The following FEM1A variants were observed in gnomAD, a reference collection of about 807,000 sequenced individuals.
The protein encoded by FEM1A is fem-1 homolog A, also known as protein fem-1 homolog A.
A neutral mutation model predicts 0.7 loss-of-function variants in FEM1A; 1 was observed. That is an observed-to-expected ratio of 1.35 (90% CI 0.48 to 6.40). The LOEUF (loss-of-function observed/expected upper bound fraction) is 6.40, where lower values mean the gene tolerates loss of function less well. FEM1A is among the 30% of genes most tolerant of loss of function. The pLI, the probability that FEM1A is intolerant of heterozygous loss-of-function variation, is 0.14. For synonymous variants in FEM1A, 391 were observed against 420.6 expected, an observed-to-expected ratio of 0.93 and a Z score of 0.86; for missense variants, 721 against 918.7, an observed-to-expected ratio of 0.78 and a Z score of 2.78.
chr19:4,799,923 A>AAAAAAATAAAAT lies in FEM1A; in HGVS notation c.*6065_*6066insTAAAATAAAAAA, dbSNP rs2093566484. The AAAAAAATAAAAT allele has an allele frequency of 6.8e-6, 1 of 146,074 alleles. No individual in the cohort carries two copies. Among genetic ancestry groups the AAAAAAATAAAAT allele is most frequent in the African/African-American group, 2.5e-5 (1 of 39,564 alleles). The allele number at this position is 146,074 out of a possible 1,614,324, so 9.0% of individuals were successfully genotyped here. On this transcript the variant is annotated 3_prime_UTR_variant, in exon 1 of 1. Transcript: ENST00000269856. ...CTGTCTCAAAAAAAAAAAAAAAAAA[A>AAAAAAATAAAAT]AAAAAAAAAATGGGGCCATCAATGC... is the stretch of plus-strand genomic sequence containing the variant.
chr19:4,801,127 C>T lies in FEM1A; in HGVS notation c.*7263C>T, dbSNP rs746334812. On this transcript the variant is annotated 3_prime_UTR_variant, in exon 1 of 1. Transcript: ENST00000269856. ...CCTGGAGCAACCCCCTCCCTCCACC[C>T]TGTGCCTTGATATCTCCTATTAAAG... 1.3e-5 allele frequency: 2 copies of T among 152,162 alleles called. No individual in the cohort carries two copies. Among genetic ancestry groups the T allele is most frequent in the Non-Finnish European group, 2.9e-5 (2 of 68,032 alleles). 9.4% of individuals were successfully genotyped at this position (152,162 alleles called of 1,614,324 possible). A position where few individuals can be genotyped will look rare whatever the true frequency, so the allele number is the denominator to read the frequency against.
rs1326616998 is a variant in FEM1A at position 4,796,891 on chromosome 19, C to T, written c.*3027C>T. ...TGGGACTGGACAGTCCCACAGGTGA[C>T]AGCTGTTGGGCTGTTGTATGCCTGT... On this transcript the variant is annotated 3_prime_UTR_variant, in exon 1 of 1. Coordinates refer to ENST00000269856, the MANE Select transcript of FEM1A (RefSeq NM_018708.3). The T allele has an allele frequency of 6.6e-6, 1 of 152,162 alleles. No individual in the cohort carries two copies. Among genetic ancestry groups the T allele is most frequent in the East Asian group, 1.9e-4 (1 of 5,182 alleles). 9.4% of individuals were successfully genotyped at this position (152,162 alleles called of 1,614,324 possible). A position where few individuals can be genotyped will look rare whatever the true frequency, so the allele number is the denominator to read the frequency against.
chr19:4,793,555 G>C lies in FEM1A; in HGVS notation c.1701G>C (p.Leu567=). Residue 567 remains leucine, a synonymous_variant, in exon 1 of 1, where the codon CTG becomes CTC. Transcript: ENST00000269856. This position sits in a 1 kb window ranked among gnomAD's most constrained non-coding sequence, Gnocchi z 5.1. ...RFPSLHVVKV[L]LDCGADPDSR... is the part of the protein sequence containing the mutation. ...CCTCCCTGCACGTGGTCAAAGTGCT[G>C]CTCGACTGCGGGGCCGACCCGGACA... 6.2e-7 allele frequency: 1 copy of C among 1,613,024 alleles called. No homozygotes were observed. The highest frequency in any genetic ancestry group is 1.3e-5 in the African/African-American group (1 of 75,014).
rs1457807802 is a variant in FEM1A, at chr19:4,793,914, G to T, written c.*50G>T. ...ACCTCTCCCCTCTCCTGCTGAGATG[G>T]GGGAAATCCGGCTGCGGCATAGCAG... On this transcript the variant is annotated 3_prime_UTR_variant, in exon 1 of 1. Coordinates refer to ENST00000269856, the MANE Select transcript of FEM1A (RefSeq NM_018708.3). The surrounding 1 kb of genome is among the most constrained non-coding windows in gnomAD (Gnocchi z 5.1). 16 of 1,534,562 alleles carry T rather than the reference G, an allele frequency of 1.0e-5. No individual in the cohort carries two copies. The highest frequency in any genetic ancestry group is 7.3e-5 in the East Asian group (3 of 41,262).
rs755591503 is a variant in FEM1A at position 4,793,204 on chromosome 19, C to A, written c.1350C>A (p.Ala450=). Residue 450 remains alanine, a synonymous_variant, in exon 1 of 1, where the codon GCC becomes GCA. Transcript: ENST00000269856. This position sits in a 1 kb window ranked among gnomAD's most constrained non-coding sequence, Gnocchi z 5.1. ...ELFSYVLQDR[A]AKGSLGTQIG... ...TCTCCTACGTGCTTCAGGACCGGGCCGCCAAAGGCAGCCTGGGCACCCAGA... is the reference window on the plus strand; with the variant it reads ...TCTCCTACGTGCTTCAGGACCGGGCAGCCAAAGGCAGCCTGGGCACCCAGA... 2 of 1,613,450 alleles carry A rather than the reference C, an allele frequency of 1.2e-6. No homozygotes were observed. Among genetic ancestry groups the A allele is most frequent in the East Asian group, 2.2e-5 (1 of 44,868 alleles).
rs1176884897 is a variant in FEM1A at position 4,792,128 on chromosome 19, G to T, written c.274G>T (p.Ala92Ser). The change falls in exon 1 of 1, where the codon GCA (alanine) becomes TCA (serine). Residue 92 changes from alanine to serine, a missense_variant. Around this residue, in one of 4 missense-constraint regions of FEM1A, gnomAD observed 195 missense variants for 316.9 expected, o/e 0.62. Coordinates refer to ENST00000269856, the MANE Select transcript of FEM1A (RefSeq NM_018708.3). This position sits in a 1 kb window ranked among gnomAD's most constrained non-coding sequence, Gnocchi z 6.7. ...CGCGCCGCCGCTGTGGGCCGCCTCC[G>T]CAGCCGGCCACCTGGACGTGGTGCG... is the stretch of plus-strand genomic sequence containing the variant. ...EGAPPLWAAS[A>S]AGHLDVVRSL... The T allele has an allele frequency of 1.3e-6, 2 of 1,519,818 alleles. No homozygotes were observed. The highest frequency in any genetic ancestry group is 1.8e-6 in the Non-Finnish European group (2 of 1,139,618). The allele number at this position is 1,519,818 out of a possible 1,614,324, so 94.1% of individuals were successfully genotyped here.
rs1025971790 is a variant in FEM1A, at chr19:4,796,647, T to C, written c.*2783T>C. On this transcript the variant is annotated 3_prime_UTR_variant, in exon 1 of 1. Transcript: ENST00000269856. Reference sequence around the variant, plus strand: ...ATGGGATTTTGCTGAGCCCCTGCCATGTGCCAGGCAGGTTTCAGGCCCCCT... The same window carrying C: ...ATGGGATTTTGCTGAGCCCCTGCCACGTGCCAGGCAGGTTTCAGGCCCCCT... The C allele has an allele frequency of 2.0e-5, 3 of 152,270 alleles. No individual in the cohort carries two copies. The highest frequency in any genetic ancestry group is 4.4e-5 in the Non-Finnish European group (3 of 68,084). The allele number at this position is 152,270 out of a possible 1,614,324, so 9.4% of individuals were successfully genotyped here. A position where few individuals can be genotyped will look rare whatever the true frequency, so the allele number is the denominator to read the frequency against.
rs1176884897 is a variant in FEM1A, at chr19:4,792,128, G to A, written c.274G>A (p.Ala92Thr). Reference protein sequence around the residue: ...EGAPPLWAASAAGHLDVVRSL... With the variant: ...EGAPPLWAASTAGHLDVVRSL... ...CGCGCCGCCGCTGTGGGCCGCCTCC[G>A]CAGCCGGCCACCTGGACGTGGTGCG... The change falls in exon 1 of 1, where the codon GCA (alanine) becomes ACA (threonine). Residue 92 changes from alanine to threonine, a missense_variant. Ala to Thr is a moderately conservative substitution (Grantham distance 58). Transcript: ENST00000269856. The surrounding 1 kb of genome is among the most constrained non-coding windows in gnomAD (Gnocchi z 6.7). 3.8e-5 allele frequency: 58 copies of A among 1,519,818 alleles called. No individual in the cohort carries two copies. In the Middle Eastern group the frequency reaches 6.9e-4, roughly 18 times the overall value. 94.1% of individuals were successfully genotyped at this position (1,519,818 alleles called of 1,614,324 possible).
chr19:4,800,341 T>C lies in FEM1A; in HGVS notation c.*6477T>C, dbSNP rs2093567112. The C allele has an allele frequency of 6.6e-6, 1 of 152,236 alleles. No individual in the cohort carries two copies. Among genetic ancestry groups the C allele is most frequent in the South Asian group, 2.1e-4 (1 of 4,830 alleles). The allele number at this position is 152,236 out of a possible 1,614,324, so 9.4% of individuals were successfully genotyped here. A position where few individuals can be genotyped will look rare whatever the true frequency, so the allele number is the denominator to read the frequency against. On this transcript the variant is annotated 3_prime_UTR_variant, in exon 1 of 1. Transcript: ENST00000269856. Reference sequence around the variant, plus strand: ...TCGGGGTCAAAGCTTAACCCCCTGCTGGAAGGTGTCGAGAGCCAGGCAGCC... The same window carrying C: ...TCGGGGTCAAAGCTTAACCCCCTGCCGGAAGGTGTCGAGAGCCAGGCAGCC...
In FEM1A at chr19:4,793,837, T is replaced by C; in HGVS notation, c.1983T>C (p.Asp661=). Reference sequence around the variant, plus strand: ...CTTACAAGGGCTTCATCCCGGAAGATCTGGAGGCGTTCATCGAACTGCACT... The same window carrying C: ...CTTACAAGGGCTTCATCCCGGAAGACCTGGAGGCGTTCATCGAACTGCACT... The part of the protein sequence containing the change: ...KIPYKGFIPE[D]LEAFIELH Residue 661 remains aspartate (D), a synonymous_variant, in exon 1 of 1, where the codon GAT becomes GAC. Coordinates refer to ENST00000269856, the MANE Select transcript of FEM1A (RefSeq NM_018708.3). The surrounding 1 kb of genome is among the most constrained non-coding windows in gnomAD (Gnocchi z 5.1). 6.2e-7 allele frequency: 1 copy of C among 1,607,524 alleles called. No homozygotes were observed. The highest frequency in any genetic ancestry group is 8.5e-7 in the Non-Finnish European group (1 of 1,177,974).
Position 4,793,272 on chromosome 19 carries a change from G to A in FEM1A, c.1418G>A (p.Arg473Gln), listed in dbSNP as rs1318021855. 10 of 1,613,280 alleles carry A rather than the reference G, an allele frequency of 6.2e-6. No homozygotes were observed. Among genetic ancestry groups the A allele is most frequent in the Non-Finnish European group, 8.5e-6 (10 of 1,179,974 alleles). Residue 473 changes from arginine (R) to glutamine (Q), a missense_variant, in exon 1 of 1, where the codon CGG becomes CAG. By Grantham distance (43) the Arg-to-Gln change is conservative. Around this residue, in one of 4 missense-constraint regions of FEM1A, gnomAD observed 379 missense variants for 454.8 expected, o/e 0.83. Transcript: ENST00000269856. This position sits in a 1 kb window ranked among gnomAD's most constrained non-coding sequence, Gnocchi z 5.1. Reference sequence around the variant, plus strand: ...ATGGGGGTTCTCACCAAAGGGGTCCGGGAAGTGGAACGGGCCCTGCAGCTG... The same window carrying A: ...ATGGGGGTTCTCACCAAAGGGGTCCAGGAAGTGGAACGGGCCCTGCAGCTG... The part of the protein sequence containing the change: ...DLMGVLTKGV[R>Q]EVERALQLPR...
In FEM1A at chr19:4,798,073, A is replaced by C; in HGVS notation, c.*4209A>C. The C allele has an allele frequency of 1.3e-5, 1 of 76,298 alleles. No homozygotes were observed. The highest frequency in any genetic ancestry group is 2.7e-5 in the Non-Finnish European group (1 of 36,932). The allele number at this position is 76,298 out of a possible 1,614,324, so 4.7% of individuals were successfully genotyped here. ...CACGGTGAAACCCCGTCTCTACTAA[A>C]AATACAAAAATTAGCCGGGTGTGGT... is the stretch of plus-strand genomic sequence containing the variant. On this transcript the variant is annotated 3_prime_UTR_variant, in exon 1 of 1. Coordinates refer to ENST00000269856, the MANE Select transcript of FEM1A (RefSeq NM_018708.3).
rs2093567436 is a variant in FEM1A at position 4,800,577 on chromosome 19, C to T, written c.*6713C>T. 1 of 152,356 alleles carries T rather than the reference C, an allele frequency of 6.6e-6. No individual in the cohort carries two copies. The highest frequency in any genetic ancestry group is 1.5e-5 in the Non-Finnish European group (1 of 68,152). The allele number at this position is 152,356 out of a possible 1,614,324, so 9.4% of individuals were successfully genotyped here. A position where few individuals can be genotyped will look rare whatever the true frequency, so the allele number is the denominator to read the frequency against. ...CCTCAGCACCCACGCCAGGGTCTGT[C>T]CCACGCCAGGTGGCCTGTAAATATG... On this transcript the variant is annotated 3_prime_UTR_variant, in exon 1 of 1. Transcript: ENST00000269856.
rs371823084 is a variant in FEM1A at position 4,794,206 on chromosome 19, G to T, written c.*342G>T. The T allele has an allele frequency of 1.6e-4, 49 of 299,518 alleles. No homozygotes were observed. The East Asian group carries it at 2.4e-3, about 15-fold the overall frequency. 18.6% of individuals were successfully genotyped at this position (299,518 alleles called of 1,614,324 possible). ...GAGGCGGAGGGACTGAAGCCATTGC[G>T]TTCCTTCCCTGCTAGAAACACAGGA... On this transcript the variant is annotated 3_prime_UTR_variant, in exon 1 of 1. Transcript: ENST00000269856.
Position 4,792,922 on chromosome 19 carries a change from C to T in FEM1A, c.1068C>T (p.Thr356=), listed in dbSNP as rs745757403. 1.2e-6 allele frequency: 2 copies of T among 1,612,288 alleles called. No homozygotes were observed. Among genetic ancestry groups the T allele is most frequent in the African/African-American group, 2.7e-5 (2 of 74,870 alleles). The change falls in exon 1 of 1, where the codon ACC becomes ACT. Residue 356 remains threonine (T), a synonymous_variant. Coordinates refer to ENST00000269856, the MANE Select transcript of FEM1A (RefSeq NM_018708.3). This position sits in a 1 kb window ranked among gnomAD's most constrained non-coding sequence, Gnocchi z 6.7. Reference sequence around the variant, plus strand: ...ATGACTATTCCAGGGAGGTCAACACCACCGAGGAGCTGGAGGCGCTGATCA... The same window carrying T: ...ATGACTATTCCAGGGAGGTCAACACTACCGAGGAGCTGGAGGCGCTGATCA... ...LAYDYSREVN[T]TEELEALITD... is the part of the protein sequence containing the mutation.
In FEM1A at chr19:4,799,922, A is replaced by AAAAAAAAAAAAAAAAAAAAAAAAAG. The variant is rs2093566474; in HGVS notation, c.*6069_*6070insAAAAAAAAAAAAAGAAAAAAAAAAA. 6.8e-6 allele frequency: 1 copy of AAAAAAAAAAAAAAAAAAAAAAAAAG among 146,074 alleles called. No individual in the cohort carries two copies. The highest frequency in any genetic ancestry group is 1.5e-5 in the Non-Finnish European group (1 of 66,346). The allele number at this position is 146,074 out of a possible 1,614,324, so 9.0% of individuals were successfully genotyped here. A position where few individuals can be genotyped will look rare whatever the true frequency, so the allele number is the denominator to read the frequency against. On this transcript the variant is annotated 3_prime_UTR_variant, in exon 1 of 1. Transcript: ENST00000269856. The stretch of plus-strand genomic sequence containing the variant: ...TCTGTCTCAAAAAAAAAAAAAAAAA[A>AAAAAAAAAAAAAAAAAAAAAAAAAG]AAAAAAAAAAATGGGGCCATCAATG...
rs1280060755 is a variant in FEM1A, at chr19:4,799,098, G to C, written c.*5234G>C. The C allele has an allele frequency of 1.3e-5, 2 of 152,222 alleles. No homozygotes were observed. The highest frequency in any genetic ancestry group is 2.9e-5 in the Non-Finnish European group (2 of 68,106). The allele number at this position is 152,222 out of a possible 1,614,324, so 9.4% of individuals were successfully genotyped here. A position where few individuals can be genotyped will look rare whatever the true frequency, so the allele number is the denominator to read the frequency against. Reference sequence around the variant, plus strand: ...CCAAGGTGATGACCAGGAGAAAAGAGAGCGTCTTCCTCCCAGTCACATCCC... The same window carrying C: ...CCAAGGTGATGACCAGGAGAAAAGACAGCGTCTTCCTCCCAGTCACATCCC... On this transcript the variant is annotated 3_prime_UTR_variant, in exon 1 of 1. Transcript: ENST00000269856.
At position 4,797,818 on chromosome 19, in the gene FEM1A, C is replaced by T. The variant is rs1434533408; in HGVS notation, c.*3954C>T. 2 of 151,618 alleles carry T rather than the reference C, an allele frequency of 1.3e-5. No individual in the cohort carries two copies. The highest frequency in any genetic ancestry group is 2.9e-5 in the Non-Finnish European group (2 of 68,056). The allele number at this position is 151,618 out of a possible 1,614,324, so 9.4% of individuals were successfully genotyped here. A position where few individuals can be genotyped will look rare whatever the true frequency, so the allele number is the denominator to read the frequency against. On this transcript the variant is annotated 3_prime_UTR_variant, in exon 1 of 1. Coordinates refer to ENST00000269856, the MANE Select transcript of FEM1A (RefSeq NM_018708.3). ...TAGCCATGTGTAGTGATATGTAGTC[C>T]CAGCTGCTACTGGGGAGGCTGAAGC... is the stretch of plus-strand genomic sequence containing the variant.
chr19:4,800,334 CCCCTGCTGG>C lies in FEM1A; in HGVS notation c.*6471_*6479del. On this transcript the variant is annotated 3_prime_UTR_variant, in exon 1 of 1. Transcript: ENST00000269856. Reference sequence around the variant, plus strand: ...GGAAGCATCGGGGTCAAAGCTTAACCCCCTGCTGGAAGGTGTCGAGAGCCAGGCAGCCAA... The same window carrying C: ...GGAAGCATCGGGGTCAAAGCTTAACCAAGGTGTCGAGAGCCAGGCAGCCAA... The C allele has an allele frequency of 6.6e-6, 1 of 152,348 alleles. No homozygotes were observed. Among genetic ancestry groups the C allele is most frequent in the South Asian group, 2.1e-4 (1 of 4,822 alleles). The allele number at this position is 152,348 out of a possible 1,614,324, so 9.4% of individuals were successfully genotyped here. A position where few individuals can be genotyped will look rare whatever the true frequency, so the allele number is the denominator to read the frequency against.
Sources: gnomAD v4.1 joint callset for allele counts on GRCh38, gnomAD v4.1.1 for gene constraint, gnomAD v4.1.1 regional missense constraint, Gnocchi (gnomAD v3.1) non-coding constraint, MANE v1.5 for transcripts, NCBI Gene and HGNC (gene_info 2026-07-23, HGNC 2026-07-21) for gene names.